The following SND1 variants were observed in gnomAD, a reference collection of about 807,000 sequenced individuals.
SND1 encodes staphylococcal nuclease and tudor domain containing 1.
A neutral mutation model predicts 121.7 loss-of-function variants in SND1; 38 were observed. The observed-to-expected ratio is 0.31, with a 90% CI of 0.24 to 0.41. The LOEUF is 0.41. SND1 is among the 10% of genes least tolerant of loss of function. The pLI is 1.00. For synonymous variants in SND1, 401 were observed against 447.4 expected (o/e 0.90, Z 1.31); for missense variants, 868 against 1,184.6 (o/e 0.73, Z 3.92).
At chr7:128,076,374 G>A (rs1406449023) in intron 17 of SND1, among the ~76,000 whole-genome samples, 2 of 152,188 alleles carry the variant, frequency 1.3e-5, no homozygotes, top group Non-Finnish European at 2.9e-5. Context: ...TTTTATTCCA[G>A]TCCAATTAAA....
chr7:127,899,084 T>C (rs932678312), intron 13 of SND1, among the ~76,000 whole-genome samples: 3 of 152,168 alleles, frequency 2.0e-5, no homozygotes, highest in African/African-American at 7.2e-5. Context: ...TTAATTGAAC[T>C]AGATGGCCCT....
intron 10 of SND1, among the ~76,000 whole-genome samples, chr7:127,781,922 GCAGTACTTAGTC>G (rs1797730775): frequency 6.6e-6 from 1 of 152,166 alleles, no homozygotes; most frequent in African/African-American, 2.4e-5. Context: ...ATAATTATTT[GCAGTACTTAGTC>G]CAGATTCCCC....
At chr7:127,861,327 T>A (rs577525377) in intron 12 of SND1, among the ~76,000 whole-genome samples, 1 of 152,346 alleles carries the variant, frequency 6.6e-6, no homozygotes, top group Admixed American at 6.5e-5. Context: ...ACTGCCTGTT[T>A]CCATTTTGGT....
intron 14 of SND1, among the ~76,000 whole-genome samples, chr7:127,916,822 G>A (rs1465663993): frequency 6.6e-6 from 1 of 152,154 alleles, no homozygotes; most frequent in African/African-American, 2.4e-5. Flanking sequence ...AGGAAAGCAG[G>A]GGGGCAGCAA....
intron 10 of SND1, among the ~76,000 whole-genome samples, chr7:127,759,597 T>C (rs1797264208): frequency 6.6e-6 from 1 of 152,212 alleles, no homozygotes; most frequent in South Asian, 2.1e-4. Context: ...GACCTTGCCA[T>C]CAGATATGCT....
intron 10 of SND1, among the ~76,000 whole-genome samples, chr7:127,804,067 T>C (rs570108164): frequency 8.0e-5 from 12 of 150,832 alleles, no homozygotes; most frequent in African/African-American, 2.9e-4. Context: ...CAGTTCTGTT[T>C]AAGCAGGCAA....
intron 12 of SND1, among the ~76,000 whole-genome samples, chr7:127,868,966 G>T (rs1361553566): frequency 5.3e-5 from 8 of 152,236 alleles, no homozygotes; most frequent in Admixed American, 1.3e-4. Context: ...ATGATAGAGA[G>T]ATCTATTTTG....
At chr7:127,937,755 G>A (rs1253592411) in intron 15 of SND1, among the ~76,000 whole-genome samples, 1 of 152,180 alleles carries the variant, frequency 6.6e-6, no homozygotes, top group Non-Finnish European at 1.5e-5. Flanking sequence ...ATGAGAGGAG[G>A]GAAGGGAAGG....
In SND1 at chr7:128,086,678, T is replaced by C; in HGVS notation, c.2305-260T>C. 3 of 558,736 alleles carry C rather than the reference T, an allele frequency of 5.4e-6. No homozygotes were observed. In the East Asian group the frequency reaches 9.4e-5, roughly 17 times the overall value. The allele number at this position is 558,736 out of a possible 1,614,324, so 34.6% of individuals were successfully genotyped here. On this transcript the variant is annotated intron_variant, in intron 20 of 23. Transcript: ENST00000354725. The stretch of plus-strand genomic sequence containing the variant: ...CGATTAGAGTCCAGTTATACTGCGA[T>C]TGTTTTCATGGGAACCACTAGGTGT...
At chr7:127,907,657 G>A (rs1422939347) in intron 14 of SND1, among the ~76,000 whole-genome samples, 1 of 152,158 alleles carries the variant, frequency 6.6e-6, no homozygotes, top group African/African-American at 2.4e-5. Context: ...CATTGTTGGT[G>A]AGGAAAAAGA....
intron 10 of SND1, among the ~76,000 whole-genome samples, chr7:127,764,466 T>C (rs1214080415): frequency 2.0e-5 from 3 of 152,242 alleles, no homozygotes; most frequent in Non-Finnish European, 4.4e-5. Flanking sequence ...GTGGTGTTGC[T>C]GTATTGCAGA....
intron 1 of SND1, among the ~76,000 whole-genome samples, chr7:127,658,407 C>G (rs574027220): frequency 5.9e-5 from 9 of 152,296 alleles, no homozygotes; most frequent in Admixed American, 5.2e-4. Flanking sequence ...TGACTATCAG[C>G]TAGTCCTGTG....
At chr7:128,081,021 G>T (rs1793591769) in intron 17 of SND1, among the ~76,000 whole-genome samples, 1 of 151,758 alleles carries the variant, frequency 6.6e-6, no homozygotes, top group African/African-American at 2.4e-5. Context: ...TTTTGAGACG[G>T]AGTCTTGCAC....
intron 16 of SND1, among the ~76,000 whole-genome samples, chr7:128,017,342 G>GT (rs745729016): frequency 6.6e-6 from 1 of 152,160 alleles, no homozygotes; most frequent in Non-Finnish European, 1.5e-5. Flanking sequence ...GATCAACTAG[G>GT]TAGCTGCTTG....
chr7:127,779,473 A>G (rs1448270171), intron 10 of SND1, among the ~76,000 whole-genome samples: 3 of 152,196 alleles, frequency 2.0e-5, no homozygotes, highest in Non-Finnish European at 4.4e-5. Flanking sequence ...AAAGGATCTC[A>G]TTTCGTAGAG....
In SND1 at chr7:127,709,188, T is replaced by C. The variant is rs571134809; in HGVS notation, c.1038+1541T>C. ...CACAATGTCCCTTCTTTGTGAGGCG[T>C]GTACGTGTGTGGACACTTGGACATG... is the stretch of plus-strand genomic sequence containing the variant. On this transcript the variant is annotated intron_variant, in intron 9 of 23. Coordinates refer to ENST00000354725, the MANE Select transcript of SND1 (RefSeq NM_014390.4). Among the ~76,000 whole-genome samples the C allele has an allele frequency of 5.9e-5, 9 of 152,326 alleles. No homozygotes were observed. In the South Asian group the frequency reaches 1.7e-3, roughly 28 times the overall value.
At chr7:128,019,477 C>G (rs774469963) in intron 16 of SND1, among the ~76,000 whole-genome samples, 3 of 152,158 alleles carry the variant, frequency 2.0e-5, no homozygotes, top group Admixed American at 6.5e-5. Flanking sequence ...TGGAGGGGAC[C>G]GGTCTCTAGG....
intron 15 of SND1, among the ~76,000 whole-genome samples, chr7:127,930,313 A>C (rs1293717108): frequency 1.3e-5 from 2 of 152,172 alleles, no homozygotes; most frequent in Non-Finnish European, 2.9e-5. Flanking sequence ...GAGAAACGGG[A>C]GTCATGCTTG....
At chr7:127,858,322 T>A in intron 12 of SND1, 1 of 1,202,950 alleles carries the variant, frequency 8.3e-7, no homozygotes. Flanking sequence ...TGCTGCTCCC[T>A]TTGCCTCCTC....
Sources: gnomAD v4.1 joint callset for allele counts (sites outside exome capture counted in the v4.1 genomes callset) on GRCh38, gnomAD v4.1.1 for gene constraint, MANE v1.5 for transcripts, NCBI Gene and HGNC (gene_info 2026-07-23, HGNC 2026-07-21) for gene names.